The following PCDHA5 variants were observed in gnomAD, a reference collection of about 807,000 sequenced individuals.
The protein encoded by PCDHA5 is protocadherin alpha 5.
A neutral mutation model predicts 61.6 loss-of-function variants in PCDHA5; 43 were observed. The ratio of observed to expected loss-of-function variants is 0.70; its 90% confidence interval spans 0.55 to 0.90. The LOEUF is 0.90. PCDHA5 is among the 40% of genes least tolerant of loss of function. PCDHA5 has a pLI of 0.00. For missense variants in PCDHA5, 1,298 were observed against 1,222.7 expected (o/e 1.06, Z -0.92); for synonymous variants, 627 against 543.9 (o/e 1.15, Z -2.13).
chr5:140,909,171 T>C (rs2074353484), intron 1 of PCDHA5, among the ~76,000 whole-genome samples: 1 of 152,208 alleles, frequency 6.6e-6, no homozygotes, highest in Non-Finnish European at 1.5e-5. Flanking sequence ...ATCAATCAAG[T>C]TCTCTCCAAA....
At chr5:140,853,031 A>G (rs2150527488) in intron 1 of PCDHA5, 7 of 259,886 alleles carry the variant, frequency 2.7e-5, no homozygotes, top group Non-Finnish European at 4.4e-5. Flanking sequence ...GGCGCCTGCC[A>G]CCATGCCCGC....
intron 1 of PCDHA5, chr5:140,834,474 C>T (rs1554134247): frequency 1.1e-5 from 17 of 1,614,166 alleles, no homozygotes; most frequent in Non-Finnish European, 1.3e-5. Flanking sequence ...GAGAGGCCAG[C>T]TCCACTACTC....
intron 1 of PCDHA5, chr5:140,883,877 G>A: frequency 1.2e-6 from 2 of 1,613,254 alleles, no homozygotes; most frequent in Non-Finnish European, 1.7e-6. Flanking sequence ...CCAGGTGAGC[G>A]CGCGCGACTC....
intron 1 of PCDHA5, among the ~76,000 whole-genome samples, chr5:140,922,082 G>A (rs2080612980): frequency 6.6e-6 from 1 of 151,908 alleles, no homozygotes. Context: ...AGCAAAAAGT[G>A]GTATTTCTAC....
chr5:140,845,092 C>T lies in PCDHA5; in HGVS notation c.2352+20965C>T, dbSNP rs145327720. Among the ~76,000 whole-genome samples, 352 of 149,676 alleles carry T rather than the reference C, an allele frequency of 2.4e-3. 12 individuals are homozygous for T. Among genetic ancestry groups the T allele is most frequent in the African/African-American group, 8.0e-3 (326 of 40,968 alleles). On this transcript the variant is annotated intron_variant, in intron 1 of 3. Transcript: ENST00000529859. Reference sequence around the variant, plus strand: ...CAGCATTGTTTTGTAGTTTATTTTACAGTTCTCTTAATGCCTGTCCATGTT... The same window carrying T: ...CAGCATTGTTTTGTAGTTTATTTTATAGTTCTCTTAATGCCTGTCCATGTT...
Position 140,855,877 on chromosome 5 carries a change from C to T in PCDHA5, c.2352+31750C>T, listed in dbSNP as rs577890350. 6.7e-6 allele frequency: 6 copies of T among 897,114 alleles called. No individual in the cohort carries two copies. In the South Asian group the frequency reaches 1.2e-4, roughly 18 times the overall value. The allele number at this position is 897,114 out of a possible 1,614,324, so 55.6% of individuals were successfully genotyped here. A position where few individuals can be genotyped will look rare whatever the true frequency, so the allele number is the denominator to read the frequency against. On this transcript the variant is annotated intron_variant, in intron 1 of 3. Transcript: ENST00000529859. ...GATGTCGCTGTCGTCCACAAAATAGCTTTTTAGAACAAAGGCATCAGCCAG... is the reference window on the plus strand; with the variant it reads ...GATGTCGCTGTCGTCCACAAAATAGTTTTTTAGAACAAAGGCATCAGCCAG...
At chr5:140,844,738 A>G (rs1554140712) in intron 1 of PCDHA5, among the ~76,000 whole-genome samples, 2 of 149,560 alleles carry the variant, frequency 1.3e-5, no homozygotes, top group African/African-American at 4.9e-5. Context: ...AATATTTAGT[A>G]TTATGGGATA....
At chr5:140,835,585 T>G in intron 1 of PCDHA5, 1 of 1,613,922 alleles carries the variant, frequency 6.2e-7, no homozygotes, top group South Asian at 1.1e-5. Context: ...GTGTCCACCT[T>G]CAAGAATTAC....
At chr5:140,836,028 G>T (rs2150251055) in intron 1 of PCDHA5, 61 of 1,613,392 alleles carry the variant, frequency 3.8e-5, no homozygotes, top group Non-Finnish European at 4.9e-5. Flanking sequence ...GGGCAGCAAC[G>T]TGACGCTGCA....
At chr5:140,976,403 TA>T (rs1469780321) in intron 1 of PCDHA5, among the ~76,000 whole-genome samples, 1 of 151,936 alleles carries the variant, frequency 6.6e-6, no homozygotes, top group Non-Finnish European at 1.5e-5. Flanking sequence ...ATTCAAAAAT[TA>T]GCCAGGTACG....
At chr5:140,892,702 A>C (rs1391662001) in intron 1 of PCDHA5, among the ~76,000 whole-genome samples, 1 of 152,240 alleles carries the variant, frequency 6.6e-6, no homozygotes, top group Non-Finnish European at 1.5e-5. Flanking sequence ...AAATCAGGGT[A>C]ATTAGCATAT....
In PCDHA5 at chr5:140,823,807, T is replaced by A. The variant is rs1767879347; in HGVS notation, c.2032T>A (p.Ser678Thr). Reference protein sequence around the residue: ...LVESGQAPKASSRASAGAVGP... With the variant: ...LVESGQAPKATSRASAGAVGP... ...GGAAAGTGGCCAGGCGCCGAAGGCC[T>A]CATCGCGGGCGTCGGCGGGCGCTGT... The change falls in exon 1 of 4, where the codon TCA becomes ACA. Residue 678 changes from serine (S) to threonine (T), a missense_variant. Physicochemically the swap from Ser to Thr is moderately conservative, Grantham distance 58. Coordinates refer to ENST00000529859, the MANE Select transcript of PCDHA5 (RefSeq NM_018908.3). The A allele has an allele frequency of 1.2e-6, 2 of 1,613,664 alleles. No homozygotes were observed. Among genetic ancestry groups the A allele is most frequent in the Non-Finnish European group, 1.7e-6 (2 of 1,179,914 alleles).
At chr5:140,925,671 A>AATAATAATG (rs1445697337) in intron 1 of PCDHA5, among the ~76,000 whole-genome samples, 20 of 148,150 alleles carry the variant, frequency 1.3e-4, no homozygotes, top group African/African-American at 5.0e-4. Context: ...TAATAATAAT[A>AATAATAATG]ATAATAAAGC....
At position 140,978,992 on chromosome 5, in the gene PCDHA5, G is replaced by T. The variant is rs1363421000; in HGVS notation, c.2396G>T (p.Arg799Ile). The change falls in exon 2 of 4, where the codon AGA (arginine) becomes ATA (isoleucine). Residue 799 changes from arginine to isoleucine, a missense_variant. Arg to Ile is a moderately conservative substitution (Grantham distance 97). Transcript: ENST00000529859. ...NPDWRYSASL[R>I]AGMHSSVHLE... Reference sequence around the variant, plus strand: ...GACTGGCGTTACTCTGCCTCCCTGAGAGCAGGCATGCACAGGTATGTATTT... The same window carrying T: ...GACTGGCGTTACTCTGCCTCCCTGATAGCAGGCATGCACAGGTATGTATTT... The T allele has an allele frequency of 8.1e-6, 13 of 1,614,060 alleles. No homozygotes were observed. Among genetic ancestry groups the T allele is most frequent in the Non-Finnish European group, 1.1e-5 (13 of 1,180,034 alleles).
intron 1 of PCDHA5, among the ~76,000 whole-genome samples, chr5:140,899,245 G>A (rs2067216472): frequency 6.6e-6 from 1 of 152,128 alleles, no homozygotes; most frequent in Non-Finnish European, 1.5e-5. Context: ...GGAGTGGTGA[G>A]AGAGGGCATC....
intron 1 of PCDHA5, chr5:140,857,926 C>T (rs1351185942): frequency 1.3e-6 from 2 of 1,597,606 alleles, no homozygotes; most frequent in Non-Finnish European, 1.7e-6. Flanking sequence ...TGGGGCTGTA[C>T]ACGGGCGAGA....
chr5:140,972,905 A>C (rs1188926107), intron 1 of PCDHA5, among the ~76,000 whole-genome samples: 18 of 151,782 alleles, frequency 1.2e-4, no homozygotes, highest in African/African-American at 4.4e-4. Flanking sequence ...CTTGTGATCC[A>C]CCCGCCTTGG....
At position 140,858,644 on chromosome 5, in the gene PCDHA5, C is replaced by T. The variant is rs1581517400; in HGVS notation, c.2352+34517C>T. ...CCAGTGTGTCAGCCTTTGATTGGTACTTAAATTTTTTTAAATAACAATTTA... is the reference window on the plus strand; with the variant it reads ...CCAGTGTGTCAGCCTTTGATTGGTATTTAAATTTTTTTAAATAACAATTTA... On this transcript the variant is annotated intron_variant, in intron 1 of 3. Coordinates refer to ENST00000529859, the MANE Select transcript of PCDHA5 (RefSeq NM_018908.3). 16 of 921,026 alleles carry T rather than the reference C, an allele frequency of 1.7e-5. 1 individual carries two copies. Among genetic ancestry groups the T allele is most frequent in the African/African-American group, 1.2e-4 (7 of 59,878 alleles). 57.1% of individuals were successfully genotyped at this position (921,026 alleles called of 1,614,324 possible).
chr5:140,983,207 T>A (rs999147697), intron 3 of PCDHA5, among the ~76,000 whole-genome samples: 1 of 152,236 alleles, frequency 6.6e-6, no homozygotes, highest in Non-Finnish European at 1.5e-5. Flanking sequence ...TAATAGGGAC[T>A]ATTTCCTAAT....
Sources: gnomAD v4.1 joint callset for allele counts (sites outside exome capture counted in the v4.1 genomes callset) on GRCh38, gnomAD v4.1.1 for gene constraint, MANE v1.5 for transcripts, NCBI Gene and HGNC (gene_info 2026-07-23, HGNC 2026-07-21) for gene names.